Variants in MGAT4C observed in about 807,000 individuals in gnomAD.
MGAT4C encodes alpha-1,3-mannosyl-glycoprotein 4-beta-N-acetylglucosaminyltransferase C.
In MGAT4C, 19 loss-of-function variants were observed where a neutral mutation model predicts 40.1. The ratio of observed to expected loss-of-function variants is 0.47; its 90% CI spans 0.33 to 0.70. The LOEUF (loss-of-function observed/expected upper bound fraction) is 0.70, where lower values mean the gene tolerates loss of function less well. Ranked by LOEUF, MGAT4C falls within the 30% of genes least tolerant of loss-of-function variation. The pLI, the probability that MGAT4C is intolerant of heterozygous loss-of-function variation, is 0.02. For synonymous variants in MGAT4C, 181 were observed against 187.1 expected, an observed-to-expected ratio of 0.97 and a Z score of 0.27; for missense variants, 491 against 563.2, an observed-to-expected ratio of 0.87 and a Z score of 1.30.
chr12:86,603,533 AGTC>A (rs375119281), intron 2 of MGAT4C, among the ~76,000 whole-genome samples: 96,962 of 111,686 alleles, frequency 0.87, 42,857 homozygotes, highest in East Asian at 0.96. Context: ...GACTATATAT[AGTC>A]TATAGACTAT....
intron 3 of MGAT4C, among the ~76,000 whole-genome samples, chr12:86,384,137 C>T (rs1326249028): frequency 1.3e-5 from 2 of 152,124 alleles, no homozygotes; most frequent in Non-Finnish European, 2.9e-5. Flanking sequence ...TGAGGTCTTC[C>T]CAGCCACGTG....
chr12:86,062,710 A>G (rs552589107), intron 1 of MGAT4C, among the ~76,000 whole-genome samples: 1 of 152,144 alleles, frequency 6.6e-6, no homozygotes, highest in South Asian at 2.1e-4. Context: ...ACACAGCACG[A>G]GAACTTCATG....
At chr12:86,056,765 G>T (rs963790600) in intron 1 of MGAT4C, among the ~76,000 whole-genome samples, 1 of 151,996 alleles carries the variant, frequency 6.6e-6, no homozygotes, top group Non-Finnish European at 1.5e-5. Context: ...AGGATCGCTG[G>T]ATCAAATGGT....
intron 1 of MGAT4C, among the ~76,000 whole-genome samples, chr12:86,816,311 T>A (rs1344268295): frequency 1.3e-5 from 2 of 151,922 alleles, no homozygotes; most frequent in Non-Finnish European, 2.9e-5. Context: ...ACCTTGTGTA[T>A]CTACTTATAA....
At chr12:86,136,774 C>T (rs180741514) in intron 1 of MGAT4C, among the ~76,000 whole-genome samples, 436 of 152,148 alleles carry the variant, frequency 2.9e-3, no homozygotes, top group African/African-American at 1.0e-2. Context: ...CTGCAACCTC[C>T]GCCTCCCAGG....
chr12:86,616,964 C>A (rs1253684059), intron 2 of MGAT4C, among the ~76,000 whole-genome samples: 1 of 151,904 alleles, frequency 6.6e-6, no homozygotes, highest in Non-Finnish European at 1.5e-5. Flanking sequence ...GTTTGACTAA[C>A]AAGAACATGA....
chr12:86,514,127 G>A (rs1483087633), intron 2 of MGAT4C, among the ~76,000 whole-genome samples: 1 of 151,210 alleles, frequency 6.6e-6, no homozygotes, highest in Non-Finnish European at 1.5e-5. Context: ...GCTTAGTAGA[G>A]ATTTGGAGAA....
Position 86,602,846 on chromosome 12 carries a change from G to A in MGAT4C, c.-229+124363C>T, listed in dbSNP as rs192155457. Among the ~76,000 whole-genome samples, 15 of 151,700 alleles carry A rather than the reference G, an allele frequency of 9.9e-5. No individual in the cohort carries two copies. The East Asian group carries it at 2.9e-3, about 30-fold the overall frequency. On this transcript the variant is annotated intron_variant, in intron 2 of 7. Coordinates refer to the MGAT4C transcript ENST00000548651. ...AACAATCTCGCCATCTGTATGTAAA[G>A]CAGATGAAATCAGTATCTCAAACAC...
At chr12:86,783,603 T>A (rs1951882649) in intron 1 of MGAT4C, among the ~76,000 whole-genome samples, 5 of 152,182 alleles carry the variant, frequency 3.3e-5, no homozygotes, top group Admixed American at 2.6e-4. Context: ...GATGTAGTTG[T>A]TTTGAACTTT....
chr12:86,765,855 C>G (rs1024263285), intron 1 of MGAT4C, among the ~76,000 whole-genome samples: 2 of 152,166 alleles, frequency 1.3e-5, no homozygotes, highest in African/African-American at 4.8e-5. Flanking sequence ...CCTAAAAGAG[C>G]TCCTGAAGGA....
At chr12:86,751,824 G>T (rs1169220710) in intron 1 of MGAT4C, among the ~76,000 whole-genome samples, 3 of 151,894 alleles carry the variant, frequency 2.0e-5, no homozygotes, top group Non-Finnish European at 4.4e-5. Flanking sequence ...TATGTAAATT[G>T]CTATAAAATG....
intron 2 of MGAT4C, among the ~76,000 whole-genome samples, chr12:86,491,210 A>G (rs1462242819): frequency 1.3e-5 from 2 of 152,176 alleles, no homozygotes; most frequent in Non-Finnish European, 2.9e-5. Flanking sequence ...GAATGCTACC[A>G]GAGGTAAAAG....
At chr12:86,748,351 T>C (rs146951656) in intron 1 of MGAT4C, among the ~76,000 whole-genome samples, 29 of 151,842 alleles carry the variant, frequency 1.9e-4, no homozygotes, top group Non-Finnish European at 3.2e-4. Context: ...TTTATGATTA[T>C]AGAAACTGGA....
intron 2 of MGAT4C, among the ~76,000 whole-genome samples, chr12:86,658,904 A>AT (rs2136545149): frequency 6.6e-6 from 1 of 152,198 alleles, no homozygotes; most frequent in African/African-American, 2.4e-5. Flanking sequence ...CCGAGTTCAC[A>AT]TCTTCCCTCT....
intron 3 of MGAT4C, among the ~76,000 whole-genome samples, chr12:86,354,285 A>T (rs1955253670): frequency 6.6e-6 from 1 of 152,226 alleles, no homozygotes; most frequent in African/African-American, 2.4e-5. Flanking sequence ...TCTCCAGAAG[A>T]TTTTAACAGG....
At chr12:86,731,545 G>A (rs972347995) in intron 1 of MGAT4C, among the ~76,000 whole-genome samples, 13 of 150,886 alleles carry the variant, frequency 8.6e-5, no homozygotes, top group African/African-American at 2.4e-4. Flanking sequence ...CAGTACCTTC[G>A]TTTATTGTTG....
intron 3 of MGAT4C, among the ~76,000 whole-genome samples, chr12:86,373,213 A>G (rs1273852111): frequency 6.6e-6 from 1 of 151,916 alleles, no homozygotes; most frequent in Non-Finnish European, 1.5e-5. Context: ...ATTTAAAAGG[A>G]AACAGATCCA....
chr12:86,408,542 T>G (rs1314615914), intron 3 of MGAT4C, among the ~76,000 whole-genome samples: 1 of 144,750 alleles, frequency 6.9e-6, no homozygotes, highest in East Asian at 2.0e-4. Flanking sequence ...TTTTTAACTT[T>G]TCTAATTTTA....
At chr12:86,796,088 G>T (rs1380938238) in intron 1 of MGAT4C, among the ~76,000 whole-genome samples, 1 of 150,720 alleles carries the variant, frequency 6.6e-6, no homozygotes, top group Non-Finnish European at 1.5e-5. Context: ...TTCTGATATA[G>T]AGAAAAGTTT....
Sources: gnomAD v4.1 joint callset for allele counts (sites outside exome capture counted in the v4.1 genomes callset) on GRCh38, gnomAD v4.1.1 for gene constraint, MANE v1.5 for transcripts, NCBI Gene and HGNC (gene_info 2026-07-23, HGNC 2026-07-21) for gene names.